Variants in CSMD1 observed in about 807,000 individuals in gnomAD.
CSMD1 encodes the protein CUB and Sushi multiple domains 1.
CSMD1 carries 213 observed loss-of-function variants against 417.5 expected under a neutral mutation model. The observed-to-expected ratio is 0.51, with a 90% CI of 0.46 to 0.57. The LOEUF (loss-of-function observed/expected upper bound fraction) is 0.57, where lower values mean the gene tolerates loss of function less well. Among genes scored for constraint, CSMD1 ranks in the 20% least tolerant of loss-of-function variants. The probability of loss-of-function intolerance (pLI) is 0.00; values close to 1 mark genes in which losing one functional copy is unlikely to be tolerated. For synonymous variants in CSMD1, 2,862 were observed against 1,736.8 expected, an observed-to-expected ratio of 1.65 and a Z score of -16.11; for missense variants, 6,923 against 4,529.7, an observed-to-expected ratio of 1.53 and a Z score of -15.17.
intron 3 of CSMD1, among the ~76,000 whole-genome samples, chr8:4,117,083 T>C (rs997963946): frequency 5.9e-5 from 9 of 151,910 alleles, no homozygotes; most frequent in African/African-American, 1.9e-4. Context: ...GCCTCCTTTC[T>C]ACTCCCTTTT....
intron 4 of CSMD1, among the ~76,000 whole-genome samples, chr8:4,003,828 C>G (rs940466597): frequency 7.4e-6 from 1 of 135,114 alleles, no homozygotes; most frequent in Non-Finnish European, 1.6e-5. Flanking sequence ...GATATTCTAC[C>G]AAGGTCATTA....
chr8:3,918,153 C>T (rs1055260522), intron 5 of CSMD1, among the ~76,000 whole-genome samples: 1 of 151,998 alleles, frequency 6.6e-6, no homozygotes, highest in Non-Finnish European at 1.5e-5. Context: ...CTCCAGTAAA[C>T]ATGGGAGTGA....
At chr8:4,078,214 T>C (rs1161796916) in intron 3 of CSMD1, among the ~76,000 whole-genome samples, 1 of 152,226 alleles carries the variant, frequency 6.6e-6, no homozygotes, top group Non-Finnish European at 1.5e-5. Flanking sequence ...CATCATTTTT[T>C]TCTTTTAATT....
Position 4,709,652 on chromosome 8 carries a change from C to A in CSMD1, c.86-72094G>T, listed in dbSNP as rs34006275. Among the ~76,000 whole-genome samples, 1,108 of 152,280 alleles carry A rather than the reference C, an allele frequency of 7.3e-3. 8 individuals carry two copies. The highest frequency in any genetic ancestry group is 0.012 in the Non-Finnish European group (818 of 68,022). On this transcript the variant is annotated intron_variant, in intron 1 of 69. Coordinates refer to ENST00000635120, the MANE Select transcript of CSMD1 (RefSeq NM_033225.6). ...CCAGGAGCCCAAGACTACTGGGGGT[C>A]TTCAGCAAAGATGAATGTTTAACCT...
chr8:3,902,683 G>A (rs567450947), intron 5 of CSMD1, among the ~76,000 whole-genome samples: 10 of 152,154 alleles, frequency 6.6e-5, no homozygotes, highest in Admixed American at 3.3e-4. Context: ...TGGGCATCCT[G>A]GTTCTTAACA....
chr8:2,989,617 G>C (rs1190413338), intron 54 of CSMD1, among the ~76,000 whole-genome samples: 2 of 152,170 alleles, frequency 1.3e-5, no homozygotes, highest in Admixed American at 1.3e-4. Flanking sequence ...TGTTTAAGCT[G>C]TGCAACAGAC....
intron 5 of CSMD1, among the ~76,000 whole-genome samples, chr8:3,951,795 G>A (rs755535046): frequency 6.6e-6 from 1 of 152,000 alleles, no homozygotes; most frequent in African/African-American, 2.4e-5. Context: ...ACAAATTAGT[G>A]AGCTGGCAAA....
intron 47 of CSMD1, 38 bp from the exon 48 acceptor site, chr8:3,091,700 G>A (rs762747933): frequency 3.2e-6 from 5 of 1,583,922 alleles, no homozygotes; most frequent in Non-Finnish European, 4.3e-6. Context: ...TCAGAGATGA[G>A]TGAGCACCTA....
chr8:4,000,037 G>C (rs1369468060), intron 4 of CSMD1, among the ~76,000 whole-genome samples: 3 of 152,224 alleles, frequency 2.0e-5, no homozygotes, highest in Non-Finnish European at 2.9e-5. Context: ...AAATAACTGT[G>C]TGTATACTAC....
intron 1 of CSMD1, among the ~76,000 whole-genome samples, chr8:4,987,796 C>G (rs1216674000): frequency 6.6e-6 from 1 of 152,152 alleles, no homozygotes; most frequent in African/African-American, 2.4e-5. Context: ...AAAGAAAGCC[C>G]ACATGCTGAG....
chr8:3,296,325 G>A (rs1481600351), intron 25 of CSMD1, among the ~76,000 whole-genome samples: 1 of 151,828 alleles, frequency 6.6e-6, no homozygotes, highest in East Asian at 2.0e-4. Flanking sequence ...CGCATTTGAG[G>A]ACAGCCAGGA....
chr8:3,756,001 T>C (rs549225757), intron 5 of CSMD1, among the ~76,000 whole-genome samples: 2 of 152,160 alleles, frequency 1.3e-5, no homozygotes, highest in Admixed American at 6.5e-5. Context: ...TCTAAAAAAC[T>C]AGATTCAAAA....
At chr8:4,044,673 C>A (rs1223662965) in intron 3 of CSMD1, among the ~76,000 whole-genome samples, 2 of 152,186 alleles carry the variant, frequency 1.3e-5, no homozygotes, top group Non-Finnish European at 2.9e-5. Context: ...CGTGTACCAC[C>A]CTGGCCACCT....
intron 3 of CSMD1, among the ~76,000 whole-genome samples, chr8:4,093,348 A>T (rs1461049529): frequency 1.3e-5 from 2 of 152,240 alleles, no homozygotes; most frequent in African/African-American, 4.8e-5. Flanking sequence ...AATGTAGAAG[A>T]ATAATGAAAG....
At chr8:3,389,184 G>T (rs1367735501) in intron 17 of CSMD1, among the ~76,000 whole-genome samples, 1 of 151,998 alleles carries the variant, frequency 6.6e-6, no homozygotes. Flanking sequence ...TTTTGTCATG[G>T]GAGTTTGTTG....
intron 7 of CSMD1, among the ~76,000 whole-genome samples, chr8:3,707,235 T>C (rs1801221695): frequency 1.3e-5 from 2 of 152,222 alleles, no homozygotes; most frequent in African/African-American, 2.4e-5. Flanking sequence ...GTTTCTTTTA[T>C]TAGTTTTAGC....
intron 26 of CSMD1, among the ~76,000 whole-genome samples, chr8:3,243,243 T>A (rs2116985377): frequency 6.6e-6 from 1 of 152,188 alleles, no homozygotes; most frequent in East Asian, 1.9e-4. Context: ...GTGGATCTTT[T>A]TCACGGAGCA....
intron 3 of CSMD1, among the ~76,000 whole-genome samples, chr8:4,165,670 C>A (rs3916005): frequency 0.071 from 10,736 of 152,158 alleles, 521 homozygotes; most frequent in Middle Eastern, 0.12. Flanking sequence ...CCCAAAGTGC[C>A]GGAATTACAG....
intron 2 of CSMD1, among the ~76,000 whole-genome samples, chr8:4,461,719 CTTAT>C (rs1359308142): frequency 6.2e-5 from 9 of 144,570 alleles, no homozygotes; most frequent in Admixed American, 2.2e-4. Context: ...GCCAGCTCAT[CTTAT>C]TTATTATTTA....
Sources: allele counts gnomAD v4.1 joint callset (sites outside exome capture counted in the v4.1 genomes callset), GRCh38; gene constraint gnomAD v4.1.1; transcripts MANE v1.5; gene names NCBI Gene and HGNC (gene_info 2026-07-23, HGNC 2026-07-21).